The following EVPLL variants were observed in gnomAD, a reference collection of about 807,000 sequenced individuals.
The protein encoded by EVPLL is envoplakin like.
In EVPLL, 39 loss-of-function variants were observed where a neutral mutation model predicts 46.2. The observed-to-expected ratio is 0.84, with a 90% CI of 0.65 to 1.10. EVPLL has a LOEUF of 1.10. Among genes scored for constraint, EVPLL ranks in the 50% least tolerant of loss-of-function variants. The pLI is 0.00. For synonymous variants in EVPLL, 156 were observed against 165.8 expected, an observed-to-expected ratio of 0.94 and a Z score of 0.46; for missense variants, 385 against 412.6, an observed-to-expected ratio of 0.93 and a Z score of 0.58.
At chr17:18,378,006 G>A (rs1314031592) in intron 1 of EVPLL, 23 bp downstream of exon 1, 1 of 715,692 alleles carries the variant, frequency 1.4e-6, no homozygotes, top group African/African-American at 1.9e-5. Context: ...AGGGGATGGG[G>A]AGCCAGGGAG....
At chr17:18,387,279 C>CTA (rs1188619307) in intron 9 of EVPLL, among the ~76,000 whole-genome samples, 1 of 151,972 alleles carries the variant, frequency 6.6e-6, no homozygotes, top group Non-Finnish European at 1.5e-5. Context: ...ATCTGAAACT[C>CTA]TAAATACTGT....
chr17:18,384,917 G>A (rs1188744606), intron 9 of EVPLL, among the ~76,000 whole-genome samples: 2 of 152,064 alleles, frequency 1.3e-5, no homozygotes, highest in Admixed American at 1.3e-4. Context: ...GCGAAAGATG[G>A]GTAGAAAGAG....
At chr17:18,383,676 C>A in intron 9 of EVPLL, 89 bp downstream of exon 9, 1 of 1,202,456 alleles carries the variant, frequency 8.3e-7, no homozygotes, top group Non-Finnish European at 1.2e-6. Context: ...CTGCACCTCT[C>A]AACTAGACAG....
At chr17:18,387,355 G>A (rs373191541) in intron 9 of EVPLL, among the ~76,000 whole-genome samples, 172 of 144,964 alleles carry the variant, frequency 1.2e-3, no homozygotes, top group African/African-American at 2.7e-3. Flanking sequence ...TGTCATGACC[G>A]CTTTAATCTG....
chr17:18,381,756 G>T lies in EVPLL; in HGVS notation c.346+26G>T, dbSNP rs770833063. ...GTCAGGAGCTCAAAGTCACACCCCAGTGTGATCAGAGGGTGATACGGAACT... is the reference window on the plus strand; with the variant it reads ...GTCAGGAGCTCAAAGTCACACCCCATTGTGATCAGAGGGTGATACGGAACT... On this transcript the variant is annotated intron_variant, in intron 4 of 10. Transcript: ENST00000399134. This position sits in a 1 kb window ranked among gnomAD's most constrained non-coding sequence, Gnocchi z 4.2. 7.4e-6 allele frequency: 12 copies of T among 1,613,920 alleles called. No homozygotes were observed. The African/African-American group carries it at 1.2e-4, about 16-fold the overall frequency.
intron 9 of EVPLL, among the ~76,000 whole-genome samples, chr17:18,387,129 G>A (rs564732828): frequency 5.4e-5 from 8 of 149,522 alleles, no homozygotes; most frequent in African/African-American, 2.0e-4. Flanking sequence ...TCAATCTCCT[G>A]ACCTCATGAT....
At chr17:18,382,783 G>A (rs1567811378) in intron 5 of EVPLL, 43 bp from the exon 6 acceptor site, 1 of 1,601,224 alleles carries the variant, frequency 6.2e-7, no homozygotes, top group Admixed American at 1.7e-5. Flanking sequence ...GTCTCCCTGT[G>A]CCCCACCTCT....
Position 18,382,861 on chromosome 17 carries a change from A to G in EVPLL, c.508A>G (p.Thr170Ala). 6.2e-7 allele frequency: 1 copy of G among 1,613,142 alleles called. No individual in the cohort carries two copies. Among genetic ancestry groups the G allele is most frequent in the Non-Finnish European group, 8.5e-7 (1 of 1,179,662 alleles). ...RHHPEPIPRP[T>A]EGGVVARAEP... ...CCATCCGGAGCCAATACCGAGACCT[A>G]CTGGTGAGCAGGAGGGAGGGTCGGG... Residue 170 changes from threonine to alanine, a missense_variant, in exon 6 of 11, where the codon ACT becomes GCT. Coordinates refer to ENST00000399134, the MANE Select transcript of EVPLL (RefSeq NM_001145127.2).
Position 18,383,260 on chromosome 17 carries a change from C to G in EVPLL, c.673-11C>G, listed in dbSNP as rs1466547012. 7.0e-6 allele frequency: 11 copies of G among 1,571,956 alleles called. No individual in the cohort carries two copies. The Admixed American group carries it at 9.1e-5, about 13-fold the overall frequency. ...GTCCTCACCGCCGCTCCCCACCCGACTCGCCCCCAGCACTTCAAGCAGCAC... is the reference window on the plus strand; with the variant it reads ...GTCCTCACCGCCGCTCCCCACCCGAGTCGCCCCCAGCACTTCAAGCAGCAC... On this transcript the variant is annotated splice_polypyrimidine_tract_variant and intron_variant, in intron 7 of 10. Coordinates refer to ENST00000399134, the MANE Select transcript of EVPLL (RefSeq NM_001145127.2).
intron 9 of EVPLL, among the ~76,000 whole-genome samples, chr17:18,384,140 A>C (rs1987694054): frequency 6.6e-6 from 1 of 151,970 alleles, no homozygotes; most frequent in Non-Finnish European, 1.5e-5. Flanking sequence ...CACATACAGC[A>C]CCTAAGCTGT....
rs773947964 is a variant in EVPLL at position 18,380,905 on chromosome 17, G to A, written c.-33G>A. Reference sequence around the variant, plus strand: ...ACTGTCCCCTCCACCCACCAAGAATGCCACCCAGGAGCTGACCCTGCTCAT... The same window carrying A: ...ACTGTCCCCTCCACCCACCAAGAATACCACCCAGGAGCTGACCCTGCTCAT... On this transcript the variant is annotated 5_prime_UTR_variant, in exon 2 of 11. An upstream start codon of the reference 5' UTR is lost. Transcript: ENST00000399134. 6 of 1,568,860 alleles carry A rather than the reference G, an allele frequency of 3.8e-6. No individual in the cohort carries two copies. In the South Asian group the frequency reaches 5.9e-5, roughly 15 times the overall value.
At chr17:18,385,917 A>G (rs1010099083) in intron 9 of EVPLL, among the ~76,000 whole-genome samples, 3 of 152,162 alleles carry the variant, frequency 2.0e-5, no homozygotes, top group African/African-American at 7.2e-5. Flanking sequence ...ACCTACACCC[A>G]GCAAAAGATC....
At chr17:18,378,213 A>T (rs1191334163) in intron 1 of EVPLL, among the ~76,000 whole-genome samples, 1 of 152,198 alleles carries the variant, frequency 6.6e-6, no homozygotes, top group Non-Finnish European at 1.5e-5. Flanking sequence ...GGGGCTCCCT[A>T]CATCCTCTAA....
chr17:18,379,698 C>T (rs1166392054), intron 1 of EVPLL, among the ~76,000 whole-genome samples: 1 of 152,236 alleles, frequency 6.6e-6, no homozygotes, highest in Non-Finnish European at 1.5e-5. Context: ...CTGTTCTAGG[C>T]ACTGGAGATG....
Position 18,381,770 on chromosome 17 carries a change from T to C in EVPLL, c.346+40T>C. The C allele has an allele frequency of 6.2e-7, 1 of 1,613,494 alleles. No homozygotes were observed. The highest frequency in any genetic ancestry group is 8.5e-7 in the Non-Finnish European group (1 of 1,179,880). On this transcript the variant is annotated intron_variant, in intron 4 of 10. Coordinates refer to ENST00000399134, the MANE Select transcript of EVPLL (RefSeq NM_001145127.2). This position sits in a 1 kb window ranked among gnomAD's most constrained non-coding sequence, Gnocchi z 4.2. ...GTCACACCCCAGTGTGATCAGAGGGTGATACGGAACTGCATTTAACCCAGG... is the reference window on the plus strand; with the variant it reads ...GTCACACCCCAGTGTGATCAGAGGGCGATACGGAACTGCATTTAACCCAGG...
rs1987585658 is a variant in EVPLL at position 18,381,732 on chromosome 17, TC to T, written c.346+3del. On this transcript the variant is annotated splice_donor_region_variant and intron_variant, in intron 4 of 10. Coordinates refer to ENST00000399134, the MANE Select transcript of EVPLL (RefSeq NM_001145127.2). The surrounding 1 kb of genome is among the most constrained non-coding windows in gnomAD (Gnocchi z 4.2). ...GCACACGTGCTGGAGCAGAAACAGG[TC>T]AGGAGCTCAAAGTCACACCCCAGTG... The T allele has an allele frequency of 6.2e-7, 1 of 1,613,898 alleles. No homozygotes were observed.
intron 5 of EVPLL, 70 bp downstream of exon 5, chr17:18,382,708 C>T (rs1303501486): frequency 1.3e-6 from 2 of 1,539,770 alleles, no homozygotes; most frequent in East Asian, 4.8e-5. Context: ...AGAGCCGGAG[C>T]TAGATCGGCT....
Position 18,383,028 on chromosome 17 carries a change from G to T in EVPLL, c.515G>T (p.Gly172Val), listed in dbSNP as rs1389639195. ...HPEPIPRPTE[G>V]GVVARAEPGQ... ...TGGCGGCGGGTCCTGAGCACAGAGG[G>T]CGGCGTCGTGGCGCGGGCAGAGCCT... The change falls in exon 7 of 11, where the codon GGC becomes GTC. Residue 172 changes from glycine to valine, a missense_variant. Physicochemically the swap from Gly to Val is moderately radical, Grantham distance 109. Transcript: ENST00000399134. 6.4e-7 allele frequency: 1 copy of T among 1,558,358 alleles called. No individual in the cohort carries two copies. Among genetic ancestry groups the T allele is most frequent in the East Asian group, 2.4e-5 (1 of 42,502 alleles).
rs1987630330 is a variant in EVPLL, at chr17:18,382,858, C to G, written c.505C>G (p.Pro169Ala). ...CCACCATCCGGAGCCAATACCGAGA[C>G]CTACTGGTGAGCAGGAGGGAGGGTC... ...CRHHPEPIPRPTEGGVVARAE... is the reference protein window; with the variant it reads ...CRHHPEPIPRATEGGVVARAE... Residue 169 changes from proline to alanine, a missense_variant, in exon 6 of 11, where the codon CCT becomes GCT. Coordinates refer to ENST00000399134, the MANE Select transcript of EVPLL (RefSeq NM_001145127.2). 2 of 1,613,340 alleles carry G rather than the reference C, an allele frequency of 1.2e-6. No individual in the cohort carries two copies. The highest frequency in any genetic ancestry group is 1.7e-5 in the Admixed American group (1 of 59,920).
Sources: gnomAD v4.1 joint callset for allele counts (sites outside exome capture counted in the v4.1 genomes callset) on GRCh38, gnomAD v4.1.1 for gene constraint, Gnocchi (gnomAD v3.1) non-coding constraint, MANE v1.5 for transcripts, NCBI Gene and HGNC (gene_info 2026-07-23, HGNC 2026-07-21) for gene names.